PPP1R2: variants seen among roughly 807,000 people sequenced by gnomAD.
PPP1R2 encodes protein phosphatase 1 regulatory inhibitor subunit 2, also known as protein phosphatase inhibitor 2.
PPP1R2 carries 16 observed loss-of-function variants against 29.9 expected under a neutral mutation model. The observed-to-expected ratio is 0.53, with a 90% CI of 0.36 to 0.81. The LOEUF is 0.81. PPP1R2 is among the 30% of genes least tolerant of loss of function. The pLI, the probability that PPP1R2 is intolerant of heterozygous loss-of-function variation, is 0.00. For synonymous variants in PPP1R2, 76 were observed against 91.5 expected, an observed-to-expected ratio of 0.83 and a Z score of 0.96; for missense variants, 197 against 252.7, an observed-to-expected ratio of 0.78 and a Z score of 1.49.
chr3:195,529,605 TTTC>T, intron 2 of PPP1R2, 186 bp downstream of exon 2: 1 of 461,980 alleles, frequency 2.2e-6, no homozygotes, highest in Non-Finnish European at 3.8e-6. Flanking sequence ...ACAAAATGGC[TTTC>T]TTAATTTTAA....
At chr3:195,538,946 C>G (rs1355097593) in intron 1 of PPP1R2, among the ~76,000 whole-genome samples, 1 of 152,186 alleles carries the variant, frequency 6.6e-6, no homozygotes, top group Non-Finnish European at 1.5e-5. Context: ...CCCAGGCAAT[C>G]TGGCACCAGA....
At chr3:195,520,316 T>C (rs1255735061) in intron 4 of PPP1R2, among the ~76,000 whole-genome samples, 5 of 152,100 alleles carry the variant, frequency 3.3e-5, no homozygotes, top group African/African-American at 9.7e-5. Flanking sequence ...GGCTTCACCA[T>C]TGTTTTATTA....
At chr3:195,521,175 C>T (rs971715075) in intron 4 of PPP1R2, among the ~76,000 whole-genome samples, 2 of 151,444 alleles carry the variant, frequency 1.3e-5, no homozygotes, top group African/African-American at 2.4e-5. Flanking sequence ...ATTTGCTGGG[C>T]GTGGTGGCAC....
At position 195,515,008 on chromosome 3, in the gene PPP1R2, TAC is replaced by T; in HGVS notation, c.*1886_*1887del. On this transcript the variant is annotated 3_prime_UTR_variant, in exon 6 of 6. Coordinates refer to ENST00000618156, the MANE Select transcript of PPP1R2 (RefSeq NM_006241.8). ...TTCTTCACTCTATGACAGCTACTTC[TAC>T]AAAAAAAAAAAAAGAGTATGTGGGT... The T allele has an allele frequency of 7.5e-6, 1 of 132,468 alleles. No homozygotes were observed. The highest frequency in any genetic ancestry group is 1.4e-5 in the Non-Finnish European group (1 of 68,982). 8.2% of individuals were successfully genotyped at this position (132,468 alleles called of 1,614,324 possible).
chr3:195,543,262 AC>A lies in PPP1R2; in HGVS notation c.-238del. On this transcript the variant is annotated 5_prime_UTR_variant, in exon 1 of 6. Transcript: ENST00000618156. ...GCGCACCCTTAGCCACTGGCACTTGACCCGCGGCTCGCGGAGAGACGCCGGC... is the reference window on the plus strand; with the variant it reads ...GCGCACCCTTAGCCACTGGCACTTGACCGCGGCTCGCGGAGAGACGCCGGC... 1 of 423,618 alleles carries A rather than the reference AC, an allele frequency of 2.4e-6. No homozygotes were observed. The highest frequency in any genetic ancestry group is 4.5e-5 in the South Asian group (1 of 22,226). The allele number at this position is 423,618 out of a possible 1,614,324, so 26.2% of individuals were successfully genotyped here.
intron 1 of PPP1R2, among the ~76,000 whole-genome samples, chr3:195,536,293 TAAAAA>T (rs10645669): frequency 2.6e-5 from 3 of 115,528 alleles, no homozygotes; most frequent in Non-Finnish European, 5.2e-5. Context: ...ACCCTGTCTT[TAAAAA>T]AAAAAAAAAA....
chr3:195,542,498 T>C (rs1719632532), intron 1 of PPP1R2, among the ~76,000 whole-genome samples: 1 of 152,148 alleles, frequency 6.6e-6, no homozygotes, highest in African/African-American at 2.4e-5. Flanking sequence ...GGATCGCCTA[T>C]TAGCTTGAGA....
At chr3:195,524,611 C>G (rs1259829989) in intron 3 of PPP1R2, among the ~76,000 whole-genome samples, 2 of 152,032 alleles carry the variant, frequency 1.3e-5, no homozygotes, top group African/African-American at 4.8e-5. Context: ...ACCTACATAC[C>G]TTGATTTTAA....
In PPP1R2 at chr3:195,528,702, A is replaced by ATTTTTTTTTTTTT. The variant is rs1186534650; in HGVS notation, c.230+1079_230+1091dup. 1.2e-4 allele frequency: 7 copies of ATTTTTTTTTTTTT among 59,970 alleles called. 2 individuals are homozygous for ATTTTTTTTTTTTT. The highest frequency in any genetic ancestry group is 1.6e-4 in the African/African-American group (2 of 12,610). The allele number at this position is 59,970 out of a possible 1,614,324, so 3.7% of individuals were successfully genotyped here. On this transcript the variant is annotated intron_variant, in intron 2 of 5. Transcript: ENST00000618156. The stretch of plus-strand genomic sequence containing the variant: ...AATACAAGGTAGGTAGGGCATAACT[A>ATTTTTTTTTTTTT]TTTTTTTTTTTTTTTTTTTTTTTTT...
At chr3:195,529,363 A>G (rs949200542) in intron 2 of PPP1R2, 1 of 153,090 alleles carries the variant, frequency 6.5e-6, no homozygotes, top group Middle Eastern at 3.2e-3. Context: ...ACATTAAGTT[A>G]AAAAATGAAG....
chr3:195,542,830 C>G (rs113458908), intron 1 of PPP1R2, 74 bp downstream of exon 1: 1 of 1,448,440 alleles, frequency 6.9e-7, no homozygotes, highest in Non-Finnish European at 9.2e-7. Context: ...GCCGCCCGCC[C>G]GCCCCTGGGG....
intron 2 of PPP1R2, among the ~76,000 whole-genome samples, chr3:195,528,302 C>T (rs752778030): frequency 6.6e-6 from 1 of 152,138 alleles, no homozygotes; most frequent in Non-Finnish European, 1.5e-5. Flanking sequence ...GCTGTGAATG[C>T]CATTATTTTG....
chr3:195,515,918 C>T lies in PPP1R2; in HGVS notation c.*978G>A, dbSNP rs1718527206. 6.6e-6 allele frequency: 1 copy of T among 152,106 alleles called. No homozygotes were observed. 9.4% of individuals were successfully genotyped at this position (152,106 alleles called of 1,614,324 possible). ...CTGCTGCTACTCAAACTATTTTCTT[C>T]ACGTATTAGAAGAATTCATAGGCAT... On this transcript the variant is annotated 3_prime_UTR_variant, in exon 6 of 6. Transcript: ENST00000618156.
rs3988245 is a variant in PPP1R2, at chr3:195,515,010, C to CAA, written c.*1884_*1885dup. 0.021 allele frequency: 4,515 copies of CAA among 210,604 alleles called. 45 individuals carry two copies. The highest frequency in any genetic ancestry group is 0.03 in the Non-Finnish European group (3,020 of 102,166). 13.0% of individuals were successfully genotyped at this position (210,604 alleles called of 1,614,324 possible). On this transcript the variant is annotated 3_prime_UTR_variant, in exon 6 of 6. Coordinates refer to ENST00000618156, the MANE Select transcript of PPP1R2 (RefSeq NM_006241.8). ...CTTCACTCTATGACAGCTACTTCTA[C>CAA]AAAAAAAAAAAAAGAGTATGTGGGT... is the stretch of plus-strand genomic sequence containing the variant.
At position 195,542,836 on chromosome 3, in the gene PPP1R2, T is replaced by C. The variant is rs1049576254; in HGVS notation, c.122+68A>G. On this transcript the variant is annotated intron_variant, in intron 1 of 5. Transcript: ENST00000618156. ...CGCATCCACGCCGCCCGCCCGCCCC[T>C]GGGGTCTGGGTAGGTAACGGGCCCG... 1.0e-5 allele frequency: 15 copies of C among 1,489,882 alleles called. No homozygotes were observed. The African/African-American group carries it at 1.4e-4, about 14-fold the overall frequency. 92.3% of individuals were successfully genotyped at this position (1,489,882 alleles called of 1,614,324 possible).
chr3:195,534,685 T>C (rs944478211), intron 1 of PPP1R2, among the ~76,000 whole-genome samples: 3 of 151,866 alleles, frequency 2.0e-5, no homozygotes, highest in African/African-American at 4.8e-5. Flanking sequence ...ACCTTGCCAA[T>C]ACAGAACTGC....
intron 1 of PPP1R2, among the ~76,000 whole-genome samples, chr3:195,541,644 T>C (rs1218048182): frequency 6.6e-6 from 1 of 152,080 alleles, no homozygotes; most frequent in African/African-American, 2.4e-5. Context: ...AGTTATGTTC[T>C]GGTGAAATTC....
intron 1 of PPP1R2, among the ~76,000 whole-genome samples, chr3:195,532,215 C>CTTTTTTTTTTTTTTT (rs146508182): frequency 1.7e-5 from 2 of 120,172 alleles, no homozygotes; most frequent in Non-Finnish European, 3.3e-5. Flanking sequence ...TTTTCTTTTT[C>CTTTTTTTTTTTTTTT]TTTTTTTTTT....
chr3:195,524,777 A>G (rs376336777), intron 3 of PPP1R2, 42 bp downstream of exon 3: 7 of 1,590,468 alleles, frequency 4.4e-6, no homozygotes, highest in Non-Finnish European at 6.0e-6. Flanking sequence ...GCACGATTAT[A>G]AACAGCCTAA....
Sources: allele counts gnomAD v4.1 joint callset (sites outside exome capture counted in the v4.1 genomes callset), GRCh38; gene constraint gnomAD v4.1.1; transcripts MANE v1.5; gene names NCBI Gene and HGNC (gene_info 2026-07-23, HGNC 2026-07-21).